The following KLC4 variants were observed in gnomAD, a reference collection of about 807,000 sequenced individuals.
The protein encoded by KLC4 is kinesin light chain 4.
In KLC4, 49 loss-of-function variants were observed where a neutral mutation model predicts 77.2. The ratio of observed to expected loss-of-function variants is 0.63; its 90% CI spans 0.50 to 0.80. KLC4 has a LOEUF of 0.80. KLC4 is among the 30% of genes least tolerant of loss of function. KLC4 has a pLI of 0.00. For synonymous variants in KLC4, 274 were observed against 314.5 expected, an observed-to-expected ratio of 0.87 and a Z score of 1.36; for missense variants, 669 against 793.5, an observed-to-expected ratio of 0.84 and a Z score of 1.89.
intron 6 of KLC4, among the ~76,000 whole-genome samples, chr6:43,068,818 TAAG>T (rs1015388163): frequency 2.0e-5 from 3 of 148,564 alleles, no homozygotes; most frequent in African/African-American, 5.0e-5. Context: ...CTCAACAAAA[TAAG>T]AAGCGGCCCA....
chr6:43,061,278 T>C, intron 1 of KLC4, 33 bp from the exon 2 acceptor site: 1 of 1,588,484 alleles, frequency 6.3e-7, no homozygotes, highest in African/African-American at 1.3e-5. Context: ...TGTCTCATCT[T>C]TACACCAGCT....
chr6:43,062,597 T>G, intron 2 of KLC4: 5 of 350,198 alleles, frequency 1.4e-5, no homozygotes, highest in Non-Finnish European at 2.2e-5. Context: ...AGAAGAGGAG[T>G]GATGTGGTCT....
intron 2 of KLC4, chr6:43,062,638 A>G (rs1019499121): frequency 8.5e-5 from 41 of 482,852 alleles, no homozygotes; most frequent in Non-Finnish European, 1.4e-4. Flanking sequence ...TTGGGTTACA[A>G]ATAGACAATA....
intron 5 of KLC4, among the ~76,000 whole-genome samples, chr6:43,066,777 C>T (rs1765454250): frequency 6.6e-6 from 1 of 152,146 alleles, no homozygotes; most frequent in Non-Finnish European, 1.5e-5. Flanking sequence ...TTCCCCCTGC[C>T]CCCTTGCTTC....
chr6:43,068,546 G>A (rs995607979), intron 6 of KLC4, among the ~76,000 whole-genome samples: 10 of 151,308 alleles, frequency 6.6e-5, no homozygotes, highest in African/African-American at 2.2e-4. Flanking sequence ...GGTGGCTCAC[G>A]CCTGTAATCC....
chr6:43,066,890 A>G, intron 5 of KLC4, 106 bp from the exon 6 acceptor site: 3 of 1,504,158 alleles, frequency 2.0e-6, no homozygotes, highest in Middle Eastern at 1.8e-4. Flanking sequence ...CTGTCTCCTC[A>G]TGGAGGTCTC....
At chr6:43,067,520 C>A (rs918863707) in intron 6 of KLC4, 1 of 158,252 alleles carries the variant, frequency 6.3e-6, no homozygotes. Flanking sequence ...CAGTGGCTCA[C>A]GAGTGTAATC....
At chr6:43,073,393 G>A (rs1256379060) in intron 14 of KLC4, 55 bp downstream of exon 14, 2 of 1,305,944 alleles carry the variant, frequency 1.5e-6, no homozygotes, top group Admixed American at 1.8e-5. Flanking sequence ...GCTCACGCCT[G>A]TAATCCCAGC....
intron 4 of KLC4, 147 bp downstream of exon 4, chr6:43,065,848 C>G: frequency 1.6e-6 from 1 of 621,780 alleles, no homozygotes; most frequent in Non-Finnish European, 2.8e-6. Context: ...GCTAGTACTT[C>G]GATTTCCTCA....
In KLC4 at chr6:43,066,386, G is replaced by T. The variant is rs752655893; in HGVS notation, c.652G>T (p.Val218Leu). Reference sequence around the variant, plus strand: ...AAGGTTGCGGACGTTGCACAACCTGGTGATCCAGTACGCAGCCCAAGGTCG... The same window carrying T: ...AAGGTTGCGGACGTTGCACAACCTGTTGATCCAGTACGCAGCCCAAGGTCG... ...PARLRTLHNL[V>L]IQYAAQGRYE... The change falls in exon 5 of 16, where the codon GTG becomes TTG. Residue 218 changes from valine (V) to leucine (L), a missense_variant. Transcript: ENST00000347162. 6.2e-7 allele frequency: 1 copy of T among 1,614,202 alleles called. No individual in the cohort carries two copies. Among genetic ancestry groups the T allele is most frequent in the South Asian group, 1.1e-5 (1 of 91,090 alleles).
At chr6:43,064,731 A>C (rs1394102880) in intron 3 of KLC4, among the ~76,000 whole-genome samples, 1 of 152,186 alleles carries the variant, frequency 6.6e-6, no homozygotes, top group Non-Finnish European at 1.5e-5. Context: ...AGGGAAAGTG[A>C]GTAGATGAAT....
rs747577219 is a variant in KLC4, at chr6:43,071,293, CAG to C, written c.1175_1176del (p.Gln392ArgfsTer5). ...KNNLASCYLKQGKYAEAETLY... is the reference protein window; with the variant it reads ...KNNLASCYLKXGKYAEAETLY... ...CCTCCAGGCTTCCTGTTACCTGAAA[CAG>C]GGCAAATATGCTGAGGCTGAGACAC... is the stretch of plus-strand genomic sequence containing the variant. On this transcript the variant is annotated frameshift_variant, in exon 9 of 16. Transcript: ENST00000347162. LOFTEE classifies it high-confidence loss of function. The C allele has an allele frequency of 1.2e-6, 2 of 1,612,152 alleles. No homozygotes were observed. The highest frequency in any genetic ancestry group is 1.7e-6 in the Non-Finnish European group (2 of 1,179,052).
rs766596885 is a variant in KLC4 at position 43,059,702 on chromosome 6, A to G, written c.-26+17A>G. ...AGATTGCAGGTGAGTCTTTGAGGGTATCCTGGGGCTGAAGGTTAAGGTCTC... is the reference window on the plus strand; with the variant it reads ...AGATTGCAGGTGAGTCTTTGAGGGTGTCCTGGGGCTGAAGGTTAAGGTCTC... On this transcript the variant is annotated intron_variant, in intron 1 of 15. Transcript: ENST00000347162. 54 of 1,294,908 alleles carry G rather than the reference A, an allele frequency of 4.2e-5. 1 individual carries two copies. The highest frequency in any genetic ancestry group is 4.9e-5 in the Non-Finnish European group (50 of 1,021,654). The allele number at this position is 1,294,908 out of a possible 1,614,324, so 80.2% of individuals were successfully genotyped here. A position where few individuals can be genotyped will look rare whatever the true frequency, so the allele number is the denominator to read the frequency against.
At chr6:43,068,261 C>T (rs1309555576) in intron 6 of KLC4, among the ~76,000 whole-genome samples, 1 of 149,398 alleles carries the variant, frequency 6.7e-6, no homozygotes, top group African/African-American at 2.5e-5. Context: ...ATCACGAGGT[C>T]AGGAGTTCAA....
chr6:43,072,505 C>T (rs980665181), intron 12 of KLC4, among the ~76,000 whole-genome samples: 2 of 152,114 alleles, frequency 1.3e-5, no homozygotes, highest in African/African-American at 2.4e-5. Flanking sequence ...CCTGCCCTTT[C>T]ATAAGGAGGG....
At position 43,066,397 on chromosome 6, in the gene KLC4, C is replaced by T. The variant is rs201129941; in HGVS notation, c.663C>T (p.Tyr221=). Residue 221 remains tyrosine, a synonymous_variant, in exon 5 of 16, where the codon TAC becomes TAT. Coordinates refer to ENST00000347162, the MANE Select transcript of KLC4 (RefSeq NM_201521.3). ...CGTTGCACAACCTGGTGATCCAGTA[C>T]GCAGCCCAAGGTCGCTATGAGGTGG... ...LRTLHNLVIQ[Y]AAQGRYEVAV... The T allele has an allele frequency of 2.4e-4, 384 of 1,614,050 alleles. No individual in the cohort carries two copies. The highest frequency in any genetic ancestry group is 3.1e-4 in the Non-Finnish European group (368 of 1,180,044).
chr6:43,074,843 C>T lies in KLC4; in HGVS notation c.*171C>T. The T allele has an allele frequency of 1.6e-6, 1 of 637,018 alleles. No homozygotes were observed. 39.5% of individuals were successfully genotyped at this position (637,018 alleles called of 1,614,324 possible). A position where few individuals can be genotyped will look rare whatever the true frequency, so the allele number is the denominator to read the frequency against. On this transcript the variant is annotated 3_prime_UTR_variant, in exon 16 of 16. Transcript: ENST00000347162. ...CTCAGCTCCCTCCTCAGGAATCCCTCTTAGGAAGGACCCTCAGGACACCCT... is the reference window on the plus strand; with the variant it reads ...CTCAGCTCCCTCCTCAGGAATCCCTTTTAGGAAGGACCCTCAGGACACCCT...
rs1295703762 is a variant in KLC4 at position 43,073,221 on chromosome 6, A to C, written c.1630-2A>C. ...CTTTCATTGCTCACTCCTTTCTGCCAGGATGGCAGTGGGACCCTGCAGAGG... is the reference window on the plus strand; with the variant it reads ...CTTTCATTGCTCACTCCTTTCTGCCCGGATGGCAGTGGGACCCTGCAGAGG... On this transcript the variant is annotated splice_acceptor_variant, in intron 13 of 15. Transcript: ENST00000347162. LOFTEE classifies it high-confidence loss of function. 1.2e-6 allele frequency: 2 copies of C among 1,612,328 alleles called. No homozygotes were observed. The highest frequency in any genetic ancestry group is 1.1e-5 in the South Asian group (1 of 91,006).
rs1373199552 is a variant in KLC4, at chr6:43,072,922, C to T, written c.1587C>T (p.Phe529=). The part of the protein sequence containing the change: ...SQEGPGDSVK[F]EGGEDASVAV... ...AGGGCCCTGGAGACAGTGTGAAATT[C>T]GAGGGAGGTGAAGATGCTTCTGTGG... Residue 529 remains phenylalanine, a synonymous_variant, in exon 13 of 16, where the codon TTC becomes TTT. Coordinates refer to ENST00000347162, the MANE Select transcript of KLC4 (RefSeq NM_201521.3). The T allele has an allele frequency of 1.6e-5, 25 of 1,609,580 alleles. No individual in the cohort carries two copies. Among genetic ancestry groups the T allele is most frequent in the South Asian group, 2.2e-5 (2 of 90,426 alleles).
Sources: gnomAD v4.1 joint callset for allele counts (sites outside exome capture counted in the v4.1 genomes callset) on GRCh38, gnomAD v4.1.1 for gene constraint, MANE v1.5 for transcripts, NCBI Gene and HGNC (gene_info 2026-07-23, HGNC 2026-07-21) for gene names.